The following WWOX variants were observed in gnomAD, a reference collection of about 807,000 sequenced individuals.
The protein encoded by WWOX is WW domain-containing oxidoreductase.
Under a neutral mutation model 46.2 loss-of-function variants are expected in WWOX, and 69 were observed. The observed-to-expected ratio is 1.49, with a 90% confidence interval of 1.23 to 1.82. WWOX has a LOEUF of 1.82. Among genes scored for constraint, WWOX ranks in the 40% most tolerant of loss-of-function variants. WWOX has a pLI of 0.00. For missense variants in WWOX, 919 were observed against 542.6 expected (o/e 1.69, Z -6.89); for synonymous variants, 359 against 202.6 (o/e 1.77, Z -6.56).
At chr16:78,556,023 T>C (rs1363353399) in intron 8 of WWOX, among the ~76,000 whole-genome samples, 1 of 152,038 alleles carries the variant, frequency 6.6e-6, no homozygotes, top group African/African-American at 2.4e-5. Context: ...CTGTGAGAGA[T>C]GGAGGTCCAG....
chr16:78,989,510 A>C (rs564596014), intron 8 of WWOX, among the ~76,000 whole-genome samples: 1 of 152,248 alleles, frequency 6.6e-6, no homozygotes, highest in South Asian at 2.1e-4. Flanking sequence ...CCACCAGTCA[A>C]AGGTAGTGGG....
intron 5 of WWOX, among the ~76,000 whole-genome samples, chr16:78,363,901 A>T (rs1239734095): frequency 2.0e-5 from 3 of 152,218 alleles, no homozygotes; most frequent in Non-Finnish European, 4.4e-5. Flanking sequence ...TGGAGACCCC[A>T]GGCCGTCTCT....
chr16:79,105,540 C>G (rs996089061), intron 8 of WWOX, among the ~76,000 whole-genome samples: 2 of 151,992 alleles, frequency 1.3e-5, no homozygotes, highest in Non-Finnish European at 2.9e-5. Flanking sequence ...TTAGATATTT[C>G]TAGAAATGCA....
At position 78,881,850 on chromosome 16, in the gene WWOX, C is replaced by T. The variant is rs1306801817; in HGVS notation, c.1057-329758C>T. 5.3e-5 allele frequency among the ~76,000 whole-genome samples: 8 copies of T among 152,274 alleles called. 1 individual carries two copies. The highest frequency in any genetic ancestry group is 6.5e-5 in the Admixed American group (1 of 15,296). Reference sequence around the variant, plus strand: ...ATTAGAAGAACTGACAGTCCAGGCACGGTGGCTCATGCCTGTAATCCCAGC... The same window carrying T: ...ATTAGAAGAACTGACAGTCCAGGCATGGTGGCTCATGCCTGTAATCCCAGC... On this transcript the variant is annotated intron_variant, in intron 8 of 8. Coordinates refer to ENST00000566780, the MANE Select transcript of WWOX (RefSeq NM_016373.4).
At chr16:78,554,565 A>T (rs919600616) in intron 8 of WWOX, among the ~76,000 whole-genome samples, 1 of 152,222 alleles carries the variant, frequency 6.6e-6, no homozygotes, top group Non-Finnish European at 1.5e-5. Context: ...ATATTGTATG[A>T]TACATATCCA....
intron 8 of WWOX, among the ~76,000 whole-genome samples, chr16:78,831,327 C>G (rs570836186): frequency 6.6e-6 from 1 of 152,330 alleles, no homozygotes; most frequent in South Asian, 2.1e-4. Context: ...GAAGTAGCCC[C>G]TGACCAGCCT....
chr16:79,019,839 C>G (rs1192727807), intron 8 of WWOX, among the ~76,000 whole-genome samples: 3 of 152,154 alleles, frequency 2.0e-5, no homozygotes, highest in South Asian at 2.1e-4. Context: ...TCATTTCAAC[C>G]TAGCTGGTGA....
At chr16:78,527,927 T>G (rs2043516769) in intron 8 of WWOX, among the ~76,000 whole-genome samples, 2 of 150,310 alleles carry the variant, frequency 1.3e-5, no homozygotes, top group African/African-American at 4.9e-5. Flanking sequence ...AGTGCCCAGG[T>G]TGGGAAGCTC....
intron 8 of WWOX, among the ~76,000 whole-genome samples, chr16:78,925,475 C>T (rs776788763): frequency 3.9e-5 from 6 of 152,304 alleles, no homozygotes; most frequent in Non-Finnish European, 5.9e-5. Flanking sequence ...ACATTTCAAA[C>T]ATGTCCTGCT....
At chr16:79,008,478 A>G (rs8057993) in intron 8 of WWOX, among the ~76,000 whole-genome samples, 2 of 152,114 alleles carry the variant, frequency 1.3e-5, no homozygotes, top group South Asian at 4.2e-4. Context: ...TCATATTCAC[A>G]GTTGCCGCCC....
intron 8 of WWOX, among the ~76,000 whole-genome samples, chr16:78,700,022 G>A (rs1312222424): frequency 6.6e-6 from 1 of 151,964 alleles, no homozygotes; most frequent in South Asian, 2.1e-4. Context: ...GCGGTGGGTG[G>A]ATACTTACAA....
intron 5 of WWOX, among the ~76,000 whole-genome samples, chr16:78,359,690 A>G (rs2081368398): frequency 6.6e-6 from 1 of 152,232 alleles, no homozygotes; most frequent in African/African-American, 2.4e-5. Context: ...CATTGTGGAA[A>G]TCAACTGCCA....
At chr16:78,891,765 C>G (rs1034105142) in intron 8 of WWOX, 5 of 151,130 alleles carry the variant, frequency 3.3e-5, no homozygotes, top group African/African-American at 9.9e-5. Flanking sequence ...TTCGAATCCA[C>G]TGCTGGGTAT....
chr16:78,328,770 C>A (rs761171898), intron 5 of WWOX, among the ~76,000 whole-genome samples: 1 of 152,166 alleles, frequency 6.6e-6, no homozygotes, highest in East Asian at 1.9e-4. Context: ...ACACCCTCAG[C>A]ACCTCCAGTT....
chr16:78,987,601 T>G (rs956691009), intron 8 of WWOX, among the ~76,000 whole-genome samples: 1 of 152,216 alleles, frequency 6.6e-6, no homozygotes, highest in African/African-American at 2.4e-5. Flanking sequence ...CTTCAAGGAC[T>G]TTCCTCTATG....
At chr16:78,330,477 A>G (rs1020294104) in intron 5 of WWOX, among the ~76,000 whole-genome samples, 3 of 151,840 alleles carry the variant, frequency 2.0e-5, no homozygotes, top group South Asian at 2.1e-4. Flanking sequence ...GCTCACTACA[A>G]TCTCTGCCTC....
chr16:79,172,352 C>G (rs1170848409), intron 8 of WWOX, among the ~76,000 whole-genome samples: 1 of 152,136 alleles, frequency 6.6e-6, no homozygotes, highest in Non-Finnish European at 1.5e-5. Flanking sequence ...GGTCAAAGAT[C>G]CATGATTTCA....
intron 6 of WWOX, among the ~76,000 whole-genome samples, chr16:78,406,734 C>T (rs1002257081): frequency 6.6e-6 from 1 of 151,254 alleles, no homozygotes; most frequent in Non-Finnish European, 1.5e-5. Flanking sequence ...TCAAGCGATT[C>T]TCCTGCCTCA....
intron 8 of WWOX, among the ~76,000 whole-genome samples, chr16:78,447,390 G>GT (rs2083586727): frequency 6.6e-6 from 1 of 152,212 alleles, no homozygotes; most frequent in Non-Finnish European, 1.5e-5. Flanking sequence ...TCCTGCAGAA[G>GT]TTTAAGAAAA....
Sources: allele counts gnomAD v4.1 joint callset (sites outside exome capture counted in the v4.1 genomes callset), GRCh38; gene constraint gnomAD v4.1.1; transcripts MANE v1.5; gene names NCBI Gene and HGNC (gene_info 2026-07-23, HGNC 2026-07-21).